The following NOL10 variants were observed in gnomAD, a reference collection of about 807,000 sequenced individuals.
NOL10 encodes the protein nucleolar protein 10.
Under a neutral mutation model 103.5 loss-of-function variants are expected in NOL10, and 58 were observed. That is an observed-to-expected ratio of 0.56 (90% CI 0.45 to 0.70). The LOEUF (loss-of-function observed/expected upper bound fraction) is 0.70. NOL10 is among the 30% of genes least tolerant of loss of function. The pLI, the probability that NOL10 is intolerant of heterozygous loss-of-function variation, is 0.00. For synonymous variants in NOL10, 287 were observed against 282.5 expected, an observed-to-expected ratio of 1.02 and a Z score of -0.16; for missense variants, 763 against 807.3, an observed-to-expected ratio of 0.95 and a Z score of 0.67.
At chr2:10,618,066 G>C (rs1328573287) in intron 13 of NOL10, among the ~76,000 whole-genome samples, 6 of 149,510 alleles carry the variant, frequency 4.0e-5, no homozygotes, top group African/African-American at 1.2e-4. Context: ...TATTTGAGAT[G>C]GGGTCTCACT....
chr2:10,689,618 T>A (rs769896061), intron 1 of NOL10, among the ~76,000 whole-genome samples, 178 bp downstream of exon 1: 1 of 152,226 alleles, frequency 6.6e-6, no homozygotes, highest in Non-Finnish European at 1.5e-5. Context: ...GGCAGTGTCC[T>A]TGTCTCCCAA....
At chr2:10,677,454 G>A (rs889386080) in intron 3 of NOL10, among the ~76,000 whole-genome samples, 2 of 149,788 alleles carry the variant, frequency 1.3e-5, no homozygotes, top group Admixed American at 1.3e-4. Flanking sequence ...ATTTTGTGGG[G>A]TTTTCTTTGG....
rs80192940 is a variant in NOL10 at position 10,678,579 on chromosome 2, C to T, written c.212-2708G>A. ...AAGGAATCAAGAGGCCAGTCACTTC[C>T]GTAACAAATCAATACTTTGCACATC... is the stretch of plus-strand genomic sequence containing the variant. On this transcript the variant is annotated intron_variant, in intron 3 of 20. Transcript: ENST00000381685. 5.2e-4 allele frequency among the ~76,000 whole-genome samples: 79 copies of T among 152,172 alleles called. 2 individuals carry two copies. In the East Asian group the frequency reaches 0.014, roughly 26 times the overall value.
At chr2:10,644,278 G>C (rs1398458352) in intron 13 of NOL10, 42 bp downstream of exon 13, 9 of 1,319,632 alleles carry the variant, frequency 6.8e-6, no homozygotes, top group Non-Finnish European at 9.2e-6. Flanking sequence ...AAGTATCTTT[G>C]CTTGTCCTAT....
chr2:10,619,291 T>G (rs747584971), intron 13 of NOL10, among the ~76,000 whole-genome samples: 6 of 152,102 alleles, frequency 3.9e-5, no homozygotes, highest in Non-Finnish European at 8.8e-5. Context: ...ACTACAGACA[T>G]GTACCCATGC....
intron 3 of NOL10, among the ~76,000 whole-genome samples, chr2:10,680,868 TAA>T (rs1328922661): frequency 6.6e-6 from 1 of 152,236 alleles, no homozygotes; most frequent in Non-Finnish European, 1.5e-5. Context: ...TCCAACACAC[TAA>T]AAGTTTTCTA....
chr2:10,642,668 G>A (rs562754459), intron 13 of NOL10, among the ~76,000 whole-genome samples: 1 of 151,830 alleles, frequency 6.6e-6, no homozygotes, highest in Non-Finnish European at 1.5e-5. Context: ...TGGGAAAGTC[G>A]ACTGAAAAGG....
chr2:10,687,127 C>A (rs889350471), intron 1 of NOL10, among the ~76,000 whole-genome samples: 8 of 152,024 alleles, frequency 5.3e-5, no homozygotes, highest in African/African-American at 1.9e-4. Context: ...GATCAGACAA[C>A]AACTGGGGTT....
chr2:10,673,335 T>G, intron 5 of NOL10, 185 bp downstream of exon 5: 2 of 418,806 alleles, frequency 4.8e-6, no homozygotes, highest in Non-Finnish European at 8.7e-6. Flanking sequence ...TCCGTATCAC[T>G]GTATTAATAT....
At position 10,588,638 on chromosome 2, in the gene NOL10, G is replaced by A. The variant is rs142289064; in HGVS notation, c.1844+405C>T. On this transcript the variant is annotated intron_variant, in intron 19 of 20. Transcript: ENST00000381685. ...CCAAAAGGCTTCAAACCACTGATCT[G>A]TAGGGCACAGAGTAAGTATTTGTAG... is the stretch of plus-strand genomic sequence containing the variant. Among the ~76,000 whole-genome samples, 653 of 152,286 alleles carry A rather than the reference G, an allele frequency of 4.3e-3. 9 individuals carry two copies. The highest frequency in any genetic ancestry group is 0.014 in the African/African-American group (602 of 41,546).
Position 10,682,067 on chromosome 2 carries a change from C to A in NOL10, c.115G>T (p.Val39Phe). ...KRALQKKDVD[V>F]RRRIELIQDF... is the part of the protein sequence containing the mutation. The stretch of plus-strand genomic sequence containing the variant: ...TGAATAAGTTCAATTCTCCTACGGA[C>A]ATCTAAAAAGAGAGAAAAAAACAAC... The change falls in exon 3 of 21, where the codon GTC becomes TTC. Residue 39 changes from valine to phenylalanine, a missense_variant and splice_region_variant. Physicochemically the swap from Val to Phe is conservative, Grantham distance 50 (BLOSUM62 -1). Coordinates refer to ENST00000381685, the MANE Select transcript of NOL10 (RefSeq NM_024894.4). 1.4e-6 allele frequency: 2 copies of A among 1,454,038 alleles called. No individual in the cohort carries two copies. Among genetic ancestry groups the A allele is most frequent in the Non-Finnish European group, 1.8e-6 (2 of 1,087,494 alleles). 90.1% of individuals were successfully genotyped at this position (1,454,038 alleles called of 1,614,324 possible).
At chr2:10,645,056 C>T (rs1333732824) in intron 12 of NOL10, among the ~76,000 whole-genome samples, 1 of 152,166 alleles carries the variant, frequency 6.6e-6, no homozygotes, top group Non-Finnish European at 1.5e-5. Context: ...AAGCCTTTGA[C>T]CAGTCCTTCA....
At chr2:10,681,745 A>T in intron 3 of NOL10, among the ~76,000 whole-genome samples, 1 of 152,250 alleles carries the variant, frequency 6.6e-6, no homozygotes, top group Non-Finnish European at 1.5e-5. Context: ...CTGATACATG[A>T]ACAAAGAGAC....
intron 13 of NOL10, among the ~76,000 whole-genome samples, chr2:10,612,690 G>C (rs988094804): frequency 6.6e-6 from 1 of 151,930 alleles, no homozygotes; most frequent in African/African-American, 2.4e-5. Context: ...TTTTAGTAGA[G>C]ACGGGGTTTC....
chr2:10,603,056 A>G lies in NOL10; in HGVS notation c.1233+22T>C, dbSNP rs369058909. ...CTGCGCATTAGTTACCTGAAACATAATAACTGTAGTTTTCTGTTTACCTTG... is the reference window on the plus strand; with the variant it reads ...CTGCGCATTAGTTACCTGAAACATAGTAACTGTAGTTTTCTGTTTACCTTG... On this transcript the variant is annotated intron_variant, in intron 15 of 20. Coordinates refer to ENST00000381685, the MANE Select transcript of NOL10 (RefSeq NM_024894.4). The G allele has an allele frequency of 2.9e-5, 46 of 1,567,340 alleles. No homozygotes were observed. The South Asian group carries it at 4.7e-4, about 16-fold the overall frequency.
intron 17 of NOL10, among the ~76,000 whole-genome samples, chr2:10,593,087 T>C (rs1282158469): frequency 6.6e-6 from 1 of 152,182 alleles, no homozygotes; most frequent in African/African-American, 2.4e-5. Flanking sequence ...TGTTCCAACA[T>C]AGTAACATAT....
intron 1 of NOL10, among the ~76,000 whole-genome samples, chr2:10,688,508 G>A (rs997635965): frequency 2.0e-5 from 3 of 152,178 alleles, no homozygotes; most frequent in Admixed American, 6.5e-5. Flanking sequence ...TCACACGACT[G>A]GCTCCTCTTC....
chr2:10,652,404 A>G (rs1679531665), intron 12 of NOL10, among the ~76,000 whole-genome samples: 1 of 152,014 alleles, frequency 6.6e-6, no homozygotes, highest in South Asian at 2.1e-4. Context: ...AAACAGAAAG[A>G]AAGAAAAAAG....
Position 10,571,869 on chromosome 2 carries a change from TG to T in NOL10, c.*201del. On this transcript the variant is annotated 3_prime_UTR_variant, in exon 21 of 21. Transcript: ENST00000381685. ...GAGCAACGACTCGCAAGCACACCCCTGGGGCTGTGCGGTGGCCGTCGGCGGG... is the reference window on the plus strand; with the variant it reads ...GAGCAACGACTCGCAAGCACACCCCTGGGCTGTGCGGTGGCCGTCGGCGGG... 1 of 559,974 alleles carries T rather than the reference TG, an allele frequency of 1.8e-6. No homozygotes were observed. Among genetic ancestry groups the T allele is most frequent in the Non-Finnish European group, 3.1e-6 (1 of 318,952 alleles). The allele number at this position is 559,974 out of a possible 1,614,324, so 34.7% of individuals were successfully genotyped here.
Sources: gnomAD v4.1 joint callset for allele counts (sites outside exome capture counted in the v4.1 genomes callset) on GRCh38, gnomAD v4.1.1 for gene constraint, MANE v1.5 for transcripts, NCBI Gene and HGNC (gene_info 2026-07-23, HGNC 2026-07-21) for gene names.